NAMPT: variants seen among roughly 807,000 people sequenced by gnomAD.
NAMPT encodes nicotinamide phosphoribosyltransferase.
NAMPT carries 7 observed loss-of-function variants against 58.7 expected under a neutral mutation model. The observed-to-expected ratio is 0.12, with a 90% CI of 0.07 to 0.22. The LOEUF (loss-of-function observed/expected upper bound fraction) is 0.22. Among genes scored for constraint, NAMPT ranks in the 10% least tolerant of loss-of-function variants. NAMPT has a pLI of 1.00. For missense variants in NAMPT, 271 were observed against 567.9 expected (o/e 0.48, Z 5.31); for synonymous variants, 145 against 198.1 (o/e 0.73, Z 2.25).
intron 1 of NAMPT, among the ~76,000 whole-genome samples, chr7:106,283,241 G>A (rs1472275299): frequency 1.3e-5 from 2 of 152,020 alleles, no homozygotes; most frequent in African/African-American, 2.4e-5. Flanking sequence ...TTCTAATAGT[G>A]CAATTAAGTA....
chr7:106,263,273 TA>T (rs1792344520), intron 7 of NAMPT, 118 bp downstream of exon 7: 1 of 731,544 alleles, frequency 1.4e-6, no homozygotes, highest in Non-Finnish European at 2.3e-6. Flanking sequence ...GCTGCAACTC[TA>T]AAATAAAGGG....
chr7:106,259,513 T>C (rs1792266198), intron 8 of NAMPT, among the ~76,000 whole-genome samples: 1 of 152,128 alleles, frequency 6.6e-6, no homozygotes, highest in Non-Finnish European at 1.5e-5. Flanking sequence ...CTACAGCCTC[T>C]GCCTCCCTTC....
rs1399045186 is a variant in NAMPT at position 106,284,925 on chromosome 7, G to A, written c.-41C>T. On this transcript the variant is annotated 5_prime_UTR_variant, in exon 1 of 11. Coordinates refer to ENST00000222553, the MANE Select transcript of NAMPT (RefSeq NM_005746.3). ...AGGGGCCGCGCGCCGCGAGCTCCCT[G>A]GCGCGGCTGCGAGGAAGGAGAAAAA... The A allele has an allele frequency of 4.5e-6, 7 of 1,565,852 alleles. No homozygotes were observed. Among genetic ancestry groups the A allele is most frequent in the South Asian group, 1.2e-5 (1 of 85,502 alleles).
chr7:106,269,312 T>C lies in NAMPT; in HGVS notation c.448A>G (p.Thr150Ala), dbSNP rs1199346850. ...ECYWLTNWIE[T>A]ILVQSWYPIT... ...GGATACCAGGACTGAACAAGAATAG[T>C]CTGTAGTAACAAAATTAACCACAAA... Residue 150 changes from threonine to alanine, a missense_variant and splice_region_variant, in exon 5 of 11, where the codon ACT (threonine) becomes GCT (alanine). Coordinates refer to ENST00000222553, the MANE Select transcript of NAMPT (RefSeq NM_005746.3). 3 of 1,611,952 alleles carry C rather than the reference T, an allele frequency of 1.9e-6. No homozygotes were observed. Among genetic ancestry groups the C allele is most frequent in the Non-Finnish European group, 2.5e-6 (3 of 1,178,584 alleles).
intron 8 of NAMPT, 36 bp from the exon 9 acceptor site, chr7:106,254,540 C>A (rs369578673): frequency 1.9e-6 from 3 of 1,600,148 alleles, no homozygotes; most frequent in African/African-American, 2.7e-5. Context: ...CAAACCAAAC[C>A]TTAATTTGGA....
rs1792660410 is a variant in NAMPT at position 106,277,007 on chromosome 7, C to G, written c.214+16G>C. The G allele has an allele frequency of 9.7e-6, 15 of 1,551,004 alleles. No homozygotes were observed. The East Asian group carries it at 3.4e-4, about 35-fold the overall frequency. ...AGTAATAAGCAGTGTTTAAAATATA[C>G]TAGGAAAAGTAATACCTTTTAAGTA... On this transcript the variant is annotated intron_variant, in intron 2 of 10. Transcript: ENST00000222553.
chr7:106,267,866 A>AAAAAAAAAAAAAAAAAAAAAAAAAAAAC (rs767872084), intron 6 of NAMPT, among the ~76,000 whole-genome samples: 3 of 133,566 alleles, frequency 2.2e-5, no homozygotes, highest in Non-Finnish European at 3.3e-5. Context: ...AAAAAAAAAA[A>AAAAAAAAAAAAAAAAAAAAAAAAAAAAC]AAAAAAAAAA....
chr7:106,279,785 G>GA (rs373940616), intron 1 of NAMPT, among the ~76,000 whole-genome samples: 15 of 152,318 alleles, frequency 9.8e-5, no homozygotes, highest in African/African-American at 3.4e-4. Context: ...TTCAGATCAA[G>GA]ATAGATGCTA....
chr7:106,250,886 A>G lies in NAMPT; in HGVS notation c.*197T>C. ...AGGGCCCTAAAAAGCTTACTTTAGC[A>G]CTCATCTTTTACATGGTTAAATGCA... On this transcript the variant is annotated 3_prime_UTR_variant, in exon 11 of 11. Transcript: ENST00000222553. 1 of 569,352 alleles carries G rather than the reference A, an allele frequency of 1.8e-6. No individual in the cohort carries two copies. The highest frequency in any genetic ancestry group is 2.2e-5 in the South Asian group (1 of 44,528). 35.3% of individuals were successfully genotyped at this position (569,352 alleles called of 1,614,324 possible).
At chr7:106,252,193 G>A (rs1792115632) in intron 10 of NAMPT, among the ~76,000 whole-genome samples, 1 of 152,010 alleles carries the variant, frequency 6.6e-6, no homozygotes, top group Non-Finnish European at 1.5e-5. Flanking sequence ...AGTTTGAAGT[G>A]ACTTTAGCTC....
intron 1 of NAMPT, among the ~76,000 whole-genome samples, chr7:106,278,979 T>C (rs3779204): frequency 0.5 from 76,536 of 152,074 alleles, 22,180 homozygotes; most frequent in East Asian, 0.89. Flanking sequence ...CAAGTTATTT[T>C]CTTTTTCTGA....
At position 106,252,997 on chromosome 7, in the gene NAMPT, C is replaced by T. The variant is rs767798838; in HGVS notation, c.1365+20G>A. 4.4e-6 allele frequency: 7 copies of T among 1,601,062 alleles called. No homozygotes were observed. Among genetic ancestry groups the T allele is most frequent in the Non-Finnish European group, 6.0e-6 (7 of 1,174,986 alleles). On this transcript the variant is annotated intron_variant, in intron 10 of 10. Transcript: ENST00000222553. ...CCAACCTACTATTGCTTAAAAAAACCAATCAGCATAGATACATACCTGACC... is the reference window on the plus strand; with the variant it reads ...CCAACCTACTATTGCTTAAAAAAACTAATCAGCATAGATACATACCTGACC...
upstream of NAMPT, chr7:106,285,187 G>C (rs1429616075): frequency 7.2e-5 from 88 of 1,220,804 alleles, no homozygotes; most frequent in Non-Finnish European, 8.9e-5. Context: ...GGCGGGGCGC[G>C]GCAGCGCGCT....
intron 1 of NAMPT, among the ~76,000 whole-genome samples, chr7:106,282,364 C>T (rs1792782877): frequency 6.6e-6 from 1 of 152,130 alleles, no homozygotes; most frequent in Non-Finnish European, 1.5e-5. Flanking sequence ...CCCAATAGGT[C>T]ACCAACATTT....
intron 8 of NAMPT, among the ~76,000 whole-genome samples, chr7:106,258,294 AG>A (rs1404063895): frequency 9.2e-5 from 14 of 151,872 alleles, no homozygotes; most frequent in African/African-American, 3.4e-4. Flanking sequence ...TTTGGAAGTG[AG>A]AAGTATTATG....
chr7:106,261,787 T>A, intron 7 of NAMPT, 80 bp from the exon 8 acceptor site: 1 of 1,431,082 alleles, frequency 7.0e-7, no homozygotes, highest in Non-Finnish European at 9.7e-7. Context: ...TAAATGATTT[T>A]GCTTTGATAA....
chr7:106,272,472 C>T, intron 4 of NAMPT, 58 bp downstream of exon 4: 1 of 1,458,122 alleles, frequency 6.9e-7, no homozygotes, highest in Non-Finnish European at 9.4e-7. Context: ...AAACTGTAAT[C>T]TCAGTTCAAT....
chr7:106,275,155 T>A, intron 2 of NAMPT, 106 bp from the exon 3 acceptor site: 1 of 633,170 alleles, frequency 1.6e-6, no homozygotes, highest in Non-Finnish European at 2.7e-6. Context: ...TTCTATGGAT[T>A]AAAAATATAA....
rs769070307 is a variant in NAMPT at position 106,267,840 on chromosome 7, CAAAA to C, written c.743+620_743+623del. Among the ~76,000 whole-genome samples the C allele has an allele frequency of 5.0e-3, 167 of 33,144 alleles. 2 individuals carry two copies. Among genetic ancestry groups the C allele is most frequent in the Non-Finnish European group, 6.8e-3 (126 of 18,652 alleles). The allele number at this position is 33,144 out of a possible 152,430, so 21.7% of individuals were successfully genotyped here. A position where few individuals can be genotyped will look rare whatever the true frequency, so the allele number is the denominator to read the frequency against. On this transcript the variant is annotated intron_variant, in intron 6 of 10. Transcript: ENST00000222553. ...TGGGCGACAGAGCGAGACTCCGTCTCAAAAAAAAAAAAAAAAAAAAAAAAAAAAA... is the reference window on the plus strand; with the variant it reads ...TGGGCGACAGAGCGAGACTCCGTCTCAAAAAAAAAAAAAAAAAAAAAAAAA...
Sources: gnomAD v4.1 joint callset for allele counts (sites outside exome capture counted in the v4.1 genomes callset) on GRCh38, gnomAD v4.1.1 for gene constraint, MANE v1.5 for transcripts, NCBI Gene and HGNC (gene_info 2026-07-23, HGNC 2026-07-21) for gene names.